ZNF644: variants seen among roughly 807,000 people sequenced by gnomAD.
The protein encoded by ZNF644 is zinc finger protein 644.
A neutral mutation model predicts 108.0 loss-of-function variants in ZNF644; 20 were observed. That is an observed-to-expected ratio of 0.19 (90% CI 0.13 to 0.27). The LOEUF is 0.27. Among genes scored for constraint, ZNF644 ranks in the 10% least tolerant of loss-of-function variants. ZNF644 has a pLI of 1.00. For missense variants in ZNF644, 1,338 were observed against 1,548.9 expected, an observed-to-expected ratio of 0.86 and a Z score of 2.29; for synonymous variants, 542 against 539.1, an observed-to-expected ratio of 1.01 and a Z score of -0.08.
chr1:90,960,627 T>A (rs1654244833), intron 2 of ZNF644, among the ~76,000 whole-genome samples: 1 of 152,118 alleles, frequency 6.6e-6, no homozygotes, highest in South Asian at 2.1e-4. Flanking sequence ...CGACACCCAA[T>A]CTAGGACACA....
intron 2 of ZNF644, among the ~76,000 whole-genome samples, chr1:90,967,638 C>T (rs1162947623): frequency 6.6e-6 from 1 of 152,066 alleles, no homozygotes; most frequent in Non-Finnish European, 1.5e-5. Context: ...TGATATCAGT[C>T]AATTATAGGA....
intron 2 of ZNF644, among the ~76,000 whole-genome samples, chr1:90,966,595 T>C (rs778409003): frequency 2.0e-5 from 3 of 151,566 alleles, no homozygotes; most frequent in Non-Finnish European, 4.4e-5. Flanking sequence ...ATTAAAAATA[T>C]AAAAATTAGC....
chr1:90,917,090 T>C, intron 5 of ZNF644, 100 bp from the exon 6 acceptor site: 2 of 1,231,020 alleles, frequency 1.6e-6, no homozygotes, highest in Non-Finnish European at 2.3e-6. Flanking sequence ...TTATCATATT[T>C]TAAAGACAGC....
intron 4 of ZNF644, among the ~76,000 whole-genome samples, chr1:90,935,228 T>G (rs937729747): frequency 2.0e-5 from 3 of 152,202 alleles, no homozygotes; most frequent in African/African-American, 7.2e-5. Context: ...AAGAAAAAGA[T>G]TAACTTGCTT....
rs563706869 is a variant in ZNF644 at position 91,002,543 on chromosome 1, C to G, written c.-18+19447G>C. ...GAAAATTAATTCAAGATGGATTAAA[C>G]ACTTACATGTTAGACCTAAAACCAC... On this transcript the variant is annotated intron_variant, in intron 1 of 5. Transcript: ENST00000337393. Among the ~76,000 whole-genome samples the G allele has an allele frequency of 2.0e-5, 3 of 152,184 alleles. No individual in the cohort carries two copies. In the East Asian group the frequency reaches 5.8e-4, roughly 29 times the overall value.
intron 2 of ZNF644, among the ~76,000 whole-genome samples, chr1:90,963,892 A>G (rs1195619779): frequency 6.6e-6 from 1 of 152,052 alleles, no homozygotes; most frequent in Non-Finnish European, 1.5e-5. Flanking sequence ...GCTGTACCCT[A>G]CACTTCATGC....
chr1:90,937,838 G>T lies in ZNF644; in HGVS notation c.3335C>A (p.Ala1112Glu), dbSNP rs748396941. The T allele has an allele frequency of 7.4e-6, 12 of 1,613,802 alleles. No homozygotes were observed. The highest frequency in any genetic ancestry group is 1.7e-4 in the Middle Eastern group (1 of 6,060). Residue 1112 changes from alanine (A) to glutamate (E), a missense_variant, in exon 4 of 6, where the codon GCA (alanine) becomes GAA (glutamate). Physicochemically the swap from Ala to Glu is moderately radical, Grantham distance 107. This residue lies in a region of ZNF644 where 287 missense variants were observed against 310.9 expected (regional missense o/e 0.92). Coordinates refer to ENST00000337393, the MANE Select transcript of ZNF644 (RefSeq NM_201269.3). ...TTGAGATATAAAGTCATCACTTGATGCAAGTTTTTGAGCTACAAATGGTCT... is the reference window on the plus strand; with the variant it reads ...TTGAGATATAAAGTCATCACTTGATTCAAGTTTTTGAGCTACAAATGGTCT... ...IPRPFVAQKL[A>E]SSDDFISQNV...
intron 1 of ZNF644, among the ~76,000 whole-genome samples, chr1:91,014,510 C>T (rs1409839001): frequency 1.3e-5 from 2 of 152,066 alleles, no homozygotes; most frequent in African/African-American, 2.4e-5. Flanking sequence ...TACTTATATA[C>T]AATTCTAAGT....
At chr1:91,019,568 AGTTTTTTT>A (rs1465377072) in intron 1 of ZNF644, among the ~76,000 whole-genome samples, 1 of 151,972 alleles carries the variant, frequency 6.6e-6, no homozygotes, top group East Asian at 1.9e-4. Flanking sequence ...AGAATATGAA[AGTTTTTTT>A]GTTTTTTTGT....
chr1:90,967,701 C>A (rs1411472096), intron 2 of ZNF644, among the ~76,000 whole-genome samples: 1 of 151,994 alleles, frequency 6.6e-6, no homozygotes, highest in Admixed American at 6.6e-5. Flanking sequence ...TCATCAGACA[C>A]ATTGCATATT....
chr1:90,958,909 T>C (rs1380292027), intron 2 of ZNF644, among the ~76,000 whole-genome samples: 1 of 151,738 alleles, frequency 6.6e-6, no homozygotes, highest in African/African-American at 2.4e-5. Flanking sequence ...GATTTGGCAA[T>C]GGATTCTTTG....
chr1:90,968,269 T>G (rs942629047), intron 2 of ZNF644, among the ~76,000 whole-genome samples: 1 of 152,146 alleles, frequency 6.6e-6, no homozygotes, highest in Admixed American at 6.6e-5. Context: ...TGTACTGATA[T>G]GCACTGAAAA....
At chr1:90,917,241 C>T (rs1648878044) in intron 5 of ZNF644, among the ~76,000 whole-genome samples, 1 of 152,180 alleles carries the variant, frequency 6.6e-6, no homozygotes, top group Non-Finnish European at 1.5e-5. Context: ...ATCTACACAT[C>T]TTAATTCACT....
intron 2 of ZNF644, among the ~76,000 whole-genome samples, chr1:90,964,910 T>C (rs1654699550): frequency 6.6e-6 from 1 of 152,162 alleles, no homozygotes; most frequent in Non-Finnish European, 1.5e-5. Flanking sequence ...ATTTACTTTT[T>C]GTTGCTTGTT....
intron 2 of ZNF644, among the ~76,000 whole-genome samples, chr1:90,944,991 G>C (rs1445399783): frequency 6.6e-6 from 1 of 152,030 alleles, no homozygotes; most frequent in East Asian, 1.9e-4. Flanking sequence ...GTGGCATCTA[G>C]GCAAGAAAGC....
intron 2 of ZNF644, among the ~76,000 whole-genome samples, chr1:90,981,198 T>C (rs931018286): frequency 1.3e-5 from 2 of 152,054 alleles, no homozygotes; most frequent in Non-Finnish European, 2.9e-5. Flanking sequence ...TTCTAATAAA[T>C]GCTACAGAAG....
intron 4 of ZNF644, among the ~76,000 whole-genome samples, chr1:90,929,247 C>T (rs1650432643): frequency 6.6e-6 from 1 of 152,200 alleles, no homozygotes; most frequent in Non-Finnish European, 1.5e-5. Flanking sequence ...AACCTGAACT[C>T]CTACAACACT....
intron 4 of ZNF644, among the ~76,000 whole-genome samples, chr1:90,931,089 G>A (rs890064461): frequency 6.6e-6 from 1 of 152,002 alleles, no homozygotes; most frequent in African/African-American, 2.4e-5. Flanking sequence ...TAGTACTTAG[G>A]TGTGACAACA....
intron 1 of ZNF644, among the ~76,000 whole-genome samples, chr1:91,013,186 G>A (rs1017607248): frequency 2.0e-4 from 30 of 151,876 alleles, no homozygotes; most frequent in Admixed American, 1.8e-3. Flanking sequence ...CAATTCTCCC[G>A]CCTCAGCCTC....
Sources: gnomAD v4.1 joint callset for allele counts (sites outside exome capture counted in the v4.1 genomes callset) on GRCh38, gnomAD v4.1.1 for gene constraint, gnomAD v4.1.1 regional missense constraint, MANE v1.5 for transcripts, NCBI Gene and HGNC (gene_info 2026-07-23, HGNC 2026-07-21) for gene names.